PTPRA: variants seen among roughly 807,000 people sequenced by gnomAD.
PTPRA encodes the protein protein tyrosine phosphatase receptor type A.
PTPRA carries 25 observed loss-of-function variants against 104.8 expected under a neutral mutation model. That is an observed-to-expected ratio of 0.24 (90% CI 0.17 to 0.33). The LOEUF is 0.33. PTPRA is among the 10% of genes least tolerant of loss of function. The pLI, the probability that PTPRA is intolerant of heterozygous loss-of-function variation, is 1.00. For missense variants in PTPRA, 765 were observed against 1,015.3 expected (o/e 0.75, Z 3.35); for synonymous variants, 323 against 368.9 (o/e 0.88, Z 1.43).
intron 9 of PTPRA, among the ~76,000 whole-genome samples, chr20:2,989,686 G>A (rs4813622): frequency 0.16 from 23,769 of 152,048 alleles, 2,416 homozygotes; most frequent in African/African-American, 0.29. Context: ...AGTCATGAGA[G>A]AAGTGGCAAG....
At chr20:3,032,501 C>T (rs984945089) in intron 20 of PTPRA, among the ~76,000 whole-genome samples, 4 of 152,100 alleles carry the variant, frequency 2.6e-5, no homozygotes, top group Non-Finnish European at 2.9e-5. Context: ...GGCGCGGTGG[C>T]TCACGCCTGT....
chr20:2,997,037 T>C (rs1437840242), intron 9 of PTPRA, among the ~76,000 whole-genome samples: 1 of 152,222 alleles, frequency 6.6e-6, no homozygotes, highest in East Asian at 1.9e-4. Context: ...TCAAATAGAA[T>C]GGCCAGATGA....
chr20:2,946,935 G>A (rs973437191), intron 2 of PTPRA, among the ~76,000 whole-genome samples: 1 of 152,128 alleles, frequency 6.6e-6, no homozygotes. Context: ...CTGCCTCCTG[G>A]ATGAAGAGTT....
In PTPRA at chr20:2,947,588, G is replaced by A. The variant is rs139829170; in HGVS notation, c.-49-394G>A. Among the ~76,000 whole-genome samples the A allele has an allele frequency of 1.0e-3, 157 of 152,188 alleles. 4 individuals carry two copies. The East Asian group carries it at 0.024, about 24-fold the overall frequency. On this transcript the variant is annotated intron_variant, in intron 2 of 23. Transcript: ENST00000399903. ...TTTCTAGGCTTTCATCACTGCCAGC[G>A]TCTCCACAGGCATTGTGAAAGTATT... is the stretch of plus-strand genomic sequence containing the variant.
chr20:2,891,763 T>C (rs1376643359), intron 1 of PTPRA, among the ~76,000 whole-genome samples: 1 of 152,056 alleles, frequency 6.6e-6, no homozygotes, highest in African/African-American at 2.4e-5. Flanking sequence ...CCCATGGAGA[T>C]CAAAATCCAG....
At chr20:2,982,094 T>C (rs911783391) in intron 6 of PTPRA, among the ~76,000 whole-genome samples, 22 of 148,746 alleles carry the variant, frequency 1.5e-4, no homozygotes, top group East Asian at 5.8e-4. Context: ...TCTTCTTCTT[T>C]TTTTTTTTTT....
At chr20:2,916,324 T>A (rs1397614223) in intron 1 of PTPRA, among the ~76,000 whole-genome samples, 1 of 152,184 alleles carries the variant, frequency 6.6e-6, no homozygotes, top group Non-Finnish European at 1.5e-5. Flanking sequence ...ATTACAGGCG[T>A]GAGCCACCAC....
chr20:2,951,883 G>GT (rs1285080434), intron 3 of PTPRA, among the ~76,000 whole-genome samples: 1 of 152,186 alleles, frequency 6.6e-6, no homozygotes, highest in Non-Finnish European at 1.5e-5. Context: ...GCTCATGCCT[G>GT]TAATCCCAGC....
intron 5 of PTPRA, among the ~76,000 whole-genome samples, chr20:2,974,708 T>A (rs2062356566): frequency 6.6e-6 from 1 of 152,192 alleles, no homozygotes; most frequent in African/African-American, 2.4e-5. Context: ...TGATTTTTAT[T>A]TTCAAATGTT....
intron 1 of PTPRA, among the ~76,000 whole-genome samples, chr20:2,892,087 C>G (rs189894045): frequency 4.6e-5 from 7 of 151,892 alleles, no homozygotes; most frequent in Non-Finnish European, 7.4e-5. Context: ...GTTAGGAGCT[C>G]GAGACCAGCC....
At chr20:2,995,610 G>C (rs1051232669) in intron 9 of PTPRA, among the ~76,000 whole-genome samples, 1 of 152,108 alleles carries the variant, frequency 6.6e-6, no homozygotes, top group Non-Finnish European at 1.5e-5. Flanking sequence ...CATCATTTCT[G>C]TTGTCTCACT....
chr20:2,988,128 G>A, intron 8 of PTPRA, 23 bp downstream of exon 8: 1 of 1,550,716 alleles, frequency 6.4e-7, no homozygotes, highest in Non-Finnish European at 8.9e-7. Context: ...TTAATGTCAT[G>A]GGGAACCTTC....
chr20:3,024,976 CA>C (rs1431459543), intron 17 of PTPRA, among the ~76,000 whole-genome samples: 1 of 152,212 alleles, frequency 6.6e-6, no homozygotes, highest in Non-Finnish European at 1.5e-5. Context: ...GTCTTTGTAA[CA>C]CAAAGGCAGC....
chr20:2,915,112 C>G (rs2059854717), intron 1 of PTPRA, among the ~76,000 whole-genome samples: 1 of 151,490 alleles, frequency 6.6e-6, no homozygotes, highest in Admixed American at 6.6e-5. Flanking sequence ...GGGGGTCTCA[C>G]TGTGTTGCAG....
In PTPRA at chr20:3,021,413, G is replaced by A; in HGVS notation, c.1146G>A (p.Lys382=). ...VTVLVDYTVR[K]FCIQQVGDMT... ...TCCTGGTGGACTACACAGTACGGAA[G>A]TTCTGCATCCAGCAGGTAGTGTCTC... Residue 382 remains lysine, a synonymous_variant, in exon 14 of 24, where the codon AAG becomes AAA. Coordinates refer to ENST00000399903, the MANE Select transcript of PTPRA (RefSeq NM_001385305.1). 1 of 1,614,116 alleles carries A rather than the reference G, an allele frequency of 6.2e-7. No individual in the cohort carries two copies. The highest frequency in any genetic ancestry group is 8.5e-7 in the Non-Finnish European group (1 of 1,179,964).
chr20:2,999,805 TTTC>T (rs1214102583), intron 9 of PTPRA, among the ~76,000 whole-genome samples: 1 of 152,152 alleles, frequency 6.6e-6, no homozygotes, highest in Non-Finnish European at 1.5e-5. Flanking sequence ...TAGGAAAGGA[TTTC>T]TTAAGACTTA....
chr20:2,969,446 C>T (rs989864736), intron 5 of PTPRA, among the ~76,000 whole-genome samples: 5 of 151,798 alleles, frequency 3.3e-5, no homozygotes, highest in Non-Finnish European at 7.4e-5. Context: ...CAGGTTTCAC[C>T]ATGTTGGCCA....
At chr20:2,877,937 G>T (rs2089827619) in intron 1 of PTPRA, among the ~76,000 whole-genome samples, 1 of 152,140 alleles carries the variant, frequency 6.6e-6, no homozygotes, top group Non-Finnish European at 1.5e-5. Context: ...TGGATCATGA[G>T]GTCAAGAGAT....
In PTPRA at chr20:3,007,466, C is replaced by T. The variant is rs763305525; in HGVS notation, c.906+46C>T. The T allele has an allele frequency of 8.4e-6, 13 of 1,554,576 alleles. No individual in the cohort carries two copies. In the Admixed American group the frequency reaches 8.4e-5, roughly 10 times the overall value. ...CTGTCACTTCCCTGCCTGACCATTG[C>T]CACTATCTGTTGGCTCCTCCCCAGC... is the stretch of plus-strand genomic sequence containing the variant. On this transcript the variant is annotated intron_variant, in intron 11 of 23. Coordinates refer to ENST00000399903, the MANE Select transcript of PTPRA (RefSeq NM_001385305.1).
Sources: gnomAD v4.1 joint callset for allele counts (sites outside exome capture counted in the v4.1 genomes callset) on GRCh38, gnomAD v4.1.1 for gene constraint, MANE v1.5 for transcripts, NCBI Gene and HGNC (gene_info 2026-07-23, HGNC 2026-07-21) for gene names.